Variants in LRRC4C observed in about 807,000 individuals in gnomAD.
LRRC4C encodes leucine rich repeat containing 4C.
A neutral mutation model predicts 33.6 loss-of-function variants in LRRC4C; 5 were observed. The observed-to-expected ratio is 0.15, with a 90% confidence interval of 0.08 to 0.31. The LOEUF (loss-of-function observed/expected upper bound fraction) is 0.31. LRRC4C is among the 10% of genes least tolerant of loss of function. LRRC4C has a pLI of 1.00. For missense variants in LRRC4C, 560 were observed against 796.7 expected (o/e 0.70, Z 3.58); for synonymous variants, 329 against 302.0 (o/e 1.09, Z -0.93).
intron 1 of LRRC4C, among the ~76,000 whole-genome samples, chr11:40,948,989 G>T (rs1008262334): frequency 1.3e-5 from 2 of 152,096 alleles, no homozygotes; most frequent in East Asian, 3.9e-4. Flanking sequence ...CACCAACAGT[G>T]TAAGAGTGTT....
chr11:40,987,973 T>C (rs1379854632), intron 1 of LRRC4C, among the ~76,000 whole-genome samples: 1 of 152,036 alleles, frequency 6.6e-6, no homozygotes, highest in Admixed American at 6.6e-5. Flanking sequence ...AAAACCCAGC[T>C]GAACTCTTTG....
At chr11:40,609,844 T>C (rs145021531) in intron 3 of LRRC4C, among the ~76,000 whole-genome samples, 3,082 of 151,972 alleles carry the variant, frequency 0.02, 47 homozygotes, top group South Asian at 0.038. Context: ...GACTAAAGCA[T>C]GAAGAAACAG....
intron 3 of LRRC4C, among the ~76,000 whole-genome samples, chr11:40,614,014 CA>C (rs1961506503): frequency 8.2e-6 from 1 of 121,260 alleles, no homozygotes. Context: ...AGATTTAGCA[CA>C]ATTCTTCTGG....
intron 1 of LRRC4C, among the ~76,000 whole-genome samples, chr11:41,255,312 T>C (rs1315547957): frequency 1.3e-5 from 2 of 151,992 alleles, no homozygotes. Flanking sequence ...TGGGTGGTGC[T>C]TAGAAGTAAT....
In LRRC4C at chr11:40,115,243, T is replaced by C. The variant is rs745683286; in HGVS notation, c.1050A>G (p.Thr350=). The C allele has an allele frequency of 1.2e-6, 2 of 1,614,162 alleles. No individual in the cohort carries two copies. The highest frequency in any genetic ancestry group is 1.7e-6 in the Non-Finnish European group (2 of 1,180,028). The change falls in exon 7 of 7, where the codon ACA becomes ACG. Residue 350 remains threonine (T), a synonymous_variant. Coordinates refer to ENST00000528697, the MANE Select transcript of LRRC4C (RefSeq NM_001258419.2). This position sits in a 1 kb window ranked among gnomAD's most constrained non-coding sequence, Gnocchi z 6.7. Reference sequence around the variant, plus strand: ...GCTCCACAATCACCGGAGCATAGCATGTGAAGTAATTCTGGTCGAGCTCTC... The same window carrying C: ...GCTCCACAATCACCGGAGCATAGCACGTGAAGTAATTCTGGTCGAGCTCTC... The part of the protein sequence containing the change: ...YIGELDQNYF[T]CYAPVIVEPP...
At chr11:40,937,728 G>A (rs1054048848) in intron 1 of LRRC4C, among the ~76,000 whole-genome samples, 4 of 151,280 alleles carry the variant, frequency 2.6e-5, no homozygotes, top group South Asian at 2.1e-4. Context: ...CTGCAGCCTC[G>A]AACTCCTGTG....
intron 3 of LRRC4C, among the ~76,000 whole-genome samples, chr11:40,440,967 A>T (rs1951368135): frequency 6.6e-6 from 1 of 152,110 alleles, no homozygotes; most frequent in Non-Finnish European, 1.5e-5. Context: ...CAAGTTACTA[A>T]ACCCCTTACT....
chr11:41,257,788 CT>C (rs1948849107), intron 1 of LRRC4C, among the ~76,000 whole-genome samples: 1 of 152,030 alleles, frequency 6.6e-6, no homozygotes, highest in Non-Finnish European at 1.5e-5. Flanking sequence ...GCCAGAGTGA[CT>C]TTGTTCATAT....
intron 3 of LRRC4C, among the ~76,000 whole-genome samples, chr11:40,343,116 A>G (rs894484317): frequency 2.6e-5 from 4 of 152,110 alleles, no homozygotes; most frequent in Non-Finnish European, 5.9e-5. Flanking sequence ...ACACAATTGA[A>G]GAAATTATAT....
At chr11:41,032,598 G>A (rs1342042787) in intron 1 of LRRC4C, among the ~76,000 whole-genome samples, 2 of 151,804 alleles carry the variant, frequency 1.3e-5, no homozygotes, top group African/African-American at 4.8e-5. Flanking sequence ...GGGTCTGACT[G>A]GCCCAATGTC....
At chr11:41,365,141 T>C (rs1952489979) in intron 1 of LRRC4C, among the ~76,000 whole-genome samples, 1 of 152,104 alleles carries the variant, frequency 6.6e-6, no homozygotes, top group Non-Finnish European at 1.5e-5. Context: ...GCCATCCCCA[T>C]TGCTAGCATT....
At chr11:41,430,416 T>A (rs926087327) in intron 1 of LRRC4C, among the ~76,000 whole-genome samples, 1 of 152,150 alleles carries the variant, frequency 6.6e-6, no homozygotes, top group Non-Finnish European at 1.5e-5. Flanking sequence ...TTTTTGGACA[T>A]GCTCAGATAG....
chr11:40,451,356 G>T lies in LRRC4C; in HGVS notation c.-269-131635C>A, dbSNP rs1200362453. The stretch of plus-strand genomic sequence containing the variant: ...GAGTGACATTACTATTAGCCTTACA[G>T]AAATAATGACTTTTTTTTTTTTTTT... On this transcript the variant is annotated intron_variant, in intron 3 of 6. Transcript: ENST00000528697. 3.6e-5 allele frequency among the ~76,000 whole-genome samples: 4 copies of T among 112,076 alleles called. No homozygotes were observed. In the East Asian group the frequency reaches 8.4e-4, roughly 23 times the overall value. 73.5% of individuals were successfully genotyped at this position (112,076 alleles called of 152,430 possible).
At chr11:40,716,055 A>T (rs1946695908) in intron 2 of LRRC4C, among the ~76,000 whole-genome samples, 1 of 152,026 alleles carries the variant, frequency 6.6e-6, no homozygotes, top group South Asian at 2.1e-4. Flanking sequence ...CAAACAAAAA[A>T]AAAACAAAAC....
chr11:40,963,702 C>G (rs1851126931), intron 1 of LRRC4C, among the ~76,000 whole-genome samples: 1 of 151,710 alleles, frequency 6.6e-6, no homozygotes, highest in African/African-American at 2.4e-5. Context: ...AGCACCCAGG[C>G]AGGAATCAAT....
At chr11:40,657,019 C>T (rs1487966197) in intron 2 of LRRC4C, among the ~76,000 whole-genome samples, 1 of 152,186 alleles carries the variant, frequency 6.6e-6, no homozygotes, top group African/African-American at 2.4e-5. Context: ...TTAACAGGCT[C>T]TATTTGGCTA....
At chr11:40,602,193 C>CA (rs375091552) in intron 3 of LRRC4C, among the ~76,000 whole-genome samples, 51,043 of 93,284 alleles carry the variant, frequency 0.55, 12,805 homozygotes, top group Non-Finnish European at 0.63. Context: ...GAATCTGTCT[C>CA]AAAAAAAAAA....
intron 2 of LRRC4C, among the ~76,000 whole-genome samples, chr11:40,726,845 A>G (rs2136735135): frequency 6.6e-6 from 1 of 152,308 alleles, no homozygotes; most frequent in South Asian, 2.1e-4. Context: ...ATAATTCTGT[A>G]CTTTAAAAAC....
At chr11:41,025,641 C>A (rs934761904) in intron 1 of LRRC4C, among the ~76,000 whole-genome samples, 1 of 151,796 alleles carries the variant, frequency 6.6e-6, no homozygotes, top group African/African-American at 2.4e-5. Context: ...GCAGCAAGTG[C>A]TGATGGCTGA....
Sources: gnomAD v4.1 joint callset for allele counts (sites outside exome capture counted in the v4.1 genomes callset) on GRCh38, gnomAD v4.1.1 for gene constraint, Gnocchi (gnomAD v3.1) non-coding constraint, MANE v1.5 for transcripts, NCBI Gene and HGNC (gene_info 2026-07-23, HGNC 2026-07-21) for gene names.